Variants in STARD6 observed in about 807,000 individuals in gnomAD.
STARD6 encodes StAR related lipid transfer domain containing 6, also known as stAR-related lipid transfer protein 6.
In STARD6, 21 loss-of-function variants were observed where a neutral mutation model predicts 22.3. The ratio of observed to expected loss-of-function variants is 0.94; its 90% CI spans 0.67 to 1.35. The LOEUF (loss-of-function observed/expected upper bound fraction) is 1.35. Among genes scored for constraint, STARD6 ranks in the 40% most tolerant of loss-of-function variants. STARD6 has a pLI of 0.00. For missense variants in STARD6, 269 were observed against 266.9 expected (o/e 1.01, Z -0.05); for synonymous variants, 80 against 88.1 (o/e 0.91, Z 0.52).
At position 54,354,580 on chromosome 18, in the gene STARD6, G is replaced by A; in HGVS notation, c.-4-3C>T. The A allele has an allele frequency of 6.2e-7, 1 of 1,606,172 alleles. No individual in the cohort carries two copies. Among genetic ancestry groups the A allele is most frequent in the Non-Finnish European group, 8.5e-7 (1 of 1,176,324 alleles). ...CAATTGCCTTGAAGTCCATCTATCTGCAAGTTTTAAAAACAAACAACTGGT... is the reference window on the plus strand; with the variant it reads ...CAATTGCCTTGAAGTCCATCTATCTACAAGTTTTAAAAACAAACAACTGGT... On this transcript the variant is annotated splice_region_variant and splice_polypyrimidine_tract_variant and intron_variant, in intron 2 of 7. Transcript: ENST00000307844.
intron 4 of STARD6, among the ~76,000 whole-genome samples, chr18:54,349,639 T>C (rs560109853): frequency 6.6e-6 from 1 of 152,222 alleles, no homozygotes; most frequent in Non-Finnish European, 1.5e-5. Context: ...TGTGTAGTCT[T>C]TTATCCATCC....
intron 4 of STARD6, among the ~76,000 whole-genome samples, chr18:54,342,430 TC>T (rs2088978848): frequency 4.9e-5 from 1 of 20,270 alleles, no homozygotes; most frequent in Non-Finnish European, 1.6e-4. Flanking sequence ...TCCGTCTCCC[TC>T]TCCCTCTCCC....
intron 4 of STARD6, among the ~76,000 whole-genome samples, chr18:54,341,101 G>A (rs2088964483): frequency 6.6e-6 from 1 of 152,134 alleles, no homozygotes; most frequent in Non-Finnish European, 1.5e-5. Flanking sequence ...TGTTGCCCAG[G>A]CTGGAGGGCA....
At chr18:54,326,764 T>C (rs1484629465) in intron 7 of STARD6, among the ~76,000 whole-genome samples, 1 of 151,728 alleles carries the variant, frequency 6.6e-6, no homozygotes, top group Non-Finnish European at 1.5e-5. Flanking sequence ...TATTTTTATT[T>C]ATTATTAAAT....
chr18:54,330,325 G>T (rs983014314), intron 6 of STARD6, among the ~76,000 whole-genome samples: 5 of 151,876 alleles, frequency 3.3e-5, no homozygotes, highest in African/African-American at 1.2e-4. Context: ...TATTATAAAA[G>T]ATTTTTTCCC....
rs182393799 is a variant in STARD6, at chr18:54,329,379, A to G, written c.447T>C (p.His149=). The change falls in exon 7 of 8, where the codon CAT becomes CAC. Residue 149 remains histidine (H), a synonymous_variant. Transcript: ENST00000307844. ...PSSNYIRGYN[H]PCGFVCSPME... ...TTGGTGAACATACAAAGCCACAAGG[A>G]TGGTTATAACCGCGGATATAATTTG... is the stretch of plus-strand genomic sequence containing the variant. The G allele has an allele frequency of 1.9e-5, 30 of 1,604,962 alleles. No homozygotes were observed. In the Admixed American group the frequency reaches 5.1e-4, roughly 27 times the overall value.
intron 7 of STARD6, 111 bp downstream of exon 7, chr18:54,329,236 G>A (rs747425678): frequency 4.0e-5 from 31 of 782,830 alleles, no homozygotes; most frequent in Admixed American, 1.2e-4. Flanking sequence ...TTTTTTTCCC[G>A]CAACAGAATA....
rs1382843853 is a variant in STARD6, at chr18:54,324,957, TTCTTA to T, written c.480-87_480-83del. 57 of 1,156,704 alleles carry T rather than the reference TTCTTA, an allele frequency of 4.9e-5. No homozygotes were observed. The East Asian group carries it at 1.1e-3, about 21-fold the overall frequency. 71.7% of individuals were successfully genotyped at this position (1,156,704 alleles called of 1,614,324 possible). On this transcript the variant is annotated intron_variant, in intron 7 of 7. Coordinates refer to ENST00000307844, the MANE Select transcript of STARD6 (RefSeq NM_139171.2). ...CTTTACAGGTTTTTGGAGAGCAGGA[TTCTTA>T]TCTTATTCACCGTTGACATACTTAA...
intron 4 of STARD6, among the ~76,000 whole-genome samples, chr18:54,340,837 T>C (rs997839764): frequency 1.3e-5 from 2 of 152,200 alleles, no homozygotes; most frequent in African/African-American, 4.8e-5. Flanking sequence ...GAGGTGGCTT[T>C]ACTGGTATCA....
intron 4 of STARD6, among the ~76,000 whole-genome samples, chr18:54,349,794 G>T (rs2089077619): frequency 6.6e-6 from 1 of 152,090 alleles, no homozygotes; most frequent in Non-Finnish European, 1.5e-5. Flanking sequence ...TTAGAATAAT[G>T]GTCTCCAACT....
intron 6 of STARD6, among the ~76,000 whole-genome samples, 158 bp from the exon 7 acceptor site, chr18:54,329,598 T>C (rs569382176): frequency 2.0e-5 from 3 of 152,094 alleles, no homozygotes; most frequent in Non-Finnish European, 2.9e-5. Flanking sequence ...GAAGCCAAAA[T>C]TGAGAAAATA....
At chr18:54,353,928 G>T (rs2089120367) in intron 4 of STARD6, 126 bp downstream of exon 4, 2 of 527,466 alleles carry the variant, frequency 3.8e-6, no homozygotes, top group South Asian at 3.4e-5. Flanking sequence ...TCTGCCTAGT[G>T]ACTTAATAAT....
intron 4 of STARD6, among the ~76,000 whole-genome samples, chr18:54,343,485 C>T (rs1303781952): frequency 9.0e-6 from 1 of 111,278 alleles, no homozygotes; most frequent in Non-Finnish European, 1.9e-5. Flanking sequence ...TGCCCGGCCG[C>T]CCCTACTGGG....
intron 4 of STARD6, among the ~76,000 whole-genome samples, chr18:54,338,507 A>C (rs2088937505): frequency 6.6e-6 from 1 of 152,218 alleles, no homozygotes. Context: ...AATAGACTTC[A>C]CAGAATTAGT....
At chr18:54,330,199 C>T (rs961243707) in intron 6 of STARD6, among the ~76,000 whole-genome samples, 3 of 151,868 alleles carry the variant, frequency 2.0e-5, no homozygotes, top group Non-Finnish European at 1.5e-5. Flanking sequence ...AAATCAATTC[C>T]ATGGGAAATA....
rs760501311 is a variant in STARD6, at chr18:54,339,044, C to CAA, written c.141-1795_141-1794dup. 4.8e-4 allele frequency among the ~76,000 whole-genome samples: 5 copies of CAA among 10,414 alleles called. 1 individual carries two copies. Among genetic ancestry groups the CAA allele is most frequent in the Admixed American group, 5.4e-3 (2 of 368 alleles). 6.8% of individuals were successfully genotyped at this position (10,414 alleles called of 152,430 possible). ...GCCTGGCGACAGAGTGAGACTCCAT[C>CAA]AAAAAAAAAAAAAAAAAAAAAAAAA... On this transcript the variant is annotated intron_variant, in intron 4 of 7. Coordinates refer to ENST00000307844, the MANE Select transcript of STARD6 (RefSeq NM_139171.2).
At chr18:54,343,390 G>C (rs1288960514) in intron 4 of STARD6, among the ~76,000 whole-genome samples, 1 of 141,228 alleles carries the variant, frequency 7.1e-6, no homozygotes, top group Admixed American at 6.9e-5. Flanking sequence ...CCCCCCGCCC[G>C]GCCAGCCGTG....
intron 7 of STARD6, among the ~76,000 whole-genome samples, chr18:54,326,668 G>C (rs2088827806): frequency 6.7e-6 from 1 of 149,838 alleles, no homozygotes; most frequent in Non-Finnish European, 1.5e-5. Flanking sequence ...TTTGATGATA[G>C]GTTACTACAT....
At chr18:54,337,297 T>G (rs759754216) in intron 4 of STARD6, 46 bp from the exon 5 acceptor site, 5 of 1,574,002 alleles carry the variant, frequency 3.2e-6, no homozygotes, top group Non-Finnish European at 4.3e-6. Flanking sequence ...AAAAGTTTAG[T>G]CTAAGCTGAA....
Sources: gnomAD v4.1 joint callset for allele counts (sites outside exome capture counted in the v4.1 genomes callset) on GRCh38, gnomAD v4.1.1 for gene constraint, MANE v1.5 for transcripts, NCBI Gene and HGNC (gene_info 2026-07-23, HGNC 2026-07-21) for gene names.